The following JAKMIP1 variants were observed in gnomAD, a reference collection of about 807,000 sequenced individuals.
The protein encoded by JAKMIP1 is janus kinase and microtubule interacting protein 1.
Under a neutral mutation model 113.0 loss-of-function variants are expected in JAKMIP1, and 33 were observed. That is an observed-to-expected ratio of 0.29 (90% CI 0.22 to 0.39). The LOEUF is 0.39. JAKMIP1 is among the 10% of genes least tolerant of loss of function. The pLI is 1.00. For synonymous variants in JAKMIP1, 480 were observed against 459.9 expected (o/e 1.04, Z -0.56); for missense variants, 813 against 1,080.5 (o/e 0.75, Z 3.47).
In JAKMIP1 at chr4:6,192,811, A is replaced by T. The variant is rs1045864614; in HGVS notation, c.-148+7442T>A. 6.6e-6 allele frequency among the ~76,000 whole-genome samples: 1 copy of T among 152,180 alleles called. No homozygotes were observed. The highest frequency in any genetic ancestry group is 1.5e-5 in the Non-Finnish European group (1 of 68,036). On this transcript the variant is annotated intron_variant, in intron 1 of 20. Coordinates refer to ENST00000409021, the MANE Select transcript of JAKMIP1 (RefSeq NM_001099433.2). The surrounding 1 kb of genome is among the most constrained non-coding windows in gnomAD (Gnocchi z 5.0). Reference sequence around the variant, plus strand: ...GATGATTCTCAAAAGCAAACAGGGTACTGATGGGAACCAGGGGCACAGCCG... The same window carrying T: ...GATGATTCTCAAAAGCAAACAGGGTTCTGATGGGAACCAGGGGCACAGCCG...
chr4:6,184,278 C>T lies in JAKMIP1; in HGVS notation c.-148+15975G>A, dbSNP rs1369090812. ...CCAGGTGCCCAGCACATAGCAGACA[C>T]TCCACAAATGCCCTAGGGAAGGAAG... On this transcript the variant is annotated intron_variant, in intron 1 of 20. Transcript: ENST00000409021. This position sits in a 1 kb window ranked among gnomAD's most constrained non-coding sequence, Gnocchi z 4.5. Among the ~76,000 whole-genome samples the T allele has an allele frequency of 5.9e-5, 9 of 152,218 alleles. No individual in the cohort carries two copies. The highest frequency in any genetic ancestry group is 1.3e-4 in the Non-Finnish European group (9 of 68,048).
intron 19 of JAKMIP1, among the ~76,000 whole-genome samples, chr4:6,032,697 CA>C (rs1712892545): frequency 6.7e-6 from 1 of 150,268 alleles, no homozygotes; most frequent in Non-Finnish European, 1.5e-5. Context: ...CAAAACAAAA[CA>C]AAGCAAAACA....
intron 3 of JAKMIP1, among the ~76,000 whole-genome samples, chr4:6,091,649 G>T (rs1301019233): frequency 6.6e-6 from 1 of 152,146 alleles, no homozygotes; most frequent in Non-Finnish European, 1.5e-5. Flanking sequence ...TGTGATGACA[G>T]CTCCCCTGAA....
Position 6,044,677 on chromosome 4 carries a change from G to A in JAKMIP1, c.2029-2450C>T, listed in dbSNP as rs1396691421. On this transcript the variant is annotated intron_variant, in intron 16 of 20. Transcript: ENST00000409021. The surrounding 1 kb of genome is among the most constrained non-coding windows in gnomAD (Gnocchi z 4.4). ...GGATGATTACAACATGCTGCTCTCA[G>A]AACGGTTTCTGCAGAACACAGTGTT... is the stretch of plus-strand genomic sequence containing the variant. Among the ~76,000 whole-genome samples, 4 of 152,234 alleles carry A rather than the reference G, an allele frequency of 2.6e-5. No homozygotes were observed. The highest frequency in any genetic ancestry group is 9.6e-5 in the African/African-American group (4 of 41,452).
In JAKMIP1 at chr4:6,199,033, T is replaced by C. The variant is rs1728151194; in HGVS notation, c.-148+1220A>G. On this transcript the variant is annotated intron_variant, in intron 1 of 20. Coordinates refer to ENST00000409021, the MANE Select transcript of JAKMIP1 (RefSeq NM_001099433.2). The surrounding 1 kb of genome is among the most constrained non-coding windows in gnomAD (Gnocchi z 5.6). ...AGGCCATCAGATGGTAACAGCATCC[T>C]GGGACAGCGCCACGTTCCAGGAAAG... Among the ~76,000 whole-genome samples the C allele has an allele frequency of 6.6e-6, 1 of 152,244 alleles. No individual in the cohort carries two copies. Among genetic ancestry groups the C allele is most frequent in the Admixed American group, 6.5e-5 (1 of 15,288 alleles).
At position 6,080,228 on chromosome 4, in the gene JAKMIP1, C is replaced by T. The variant is rs772818630; in HGVS notation, c.1186G>A (p.Glu396Lys). ...LSLTRDEQEI[E>K]FLRLQVLEQQ... ...TCCAGCACCTGCAGCCTCAGGAACT[C>T]GATCTCCTGCTCATCCCTCGTCAGG... The change falls in exon 7 of 21, where the codon GAG (glutamate) becomes AAG (lysine). Residue 396 changes from glutamate (E) to lysine (K), a missense_variant. By Grantham distance (56) the Glu-to-Lys change is moderately conservative. This residue lies in a region of JAKMIP1 where 540 missense variants were observed against 653.9 expected (regional missense o/e 0.83). Transcript: ENST00000409021. This position sits in a 1 kb window ranked among gnomAD's most constrained non-coding sequence, Gnocchi z 6.0. 1.2e-5 allele frequency: 20 copies of T among 1,614,002 alleles called. No homozygotes were observed. Among genetic ancestry groups the T allele is most frequent in the Non-Finnish European group, 3.4e-6 (4 of 1,180,020 alleles).
rs896137807 is a variant in JAKMIP1 at position 6,199,792 on chromosome 4, G to T, written c.-148+461C>A. ...TTGCCACCTGGGCGGAGATCTGGGG[G>T]ACTGTGACCTACCCTGCGGAAGACA... On this transcript the variant is annotated intron_variant, in intron 1 of 20. Transcript: ENST00000409021. The surrounding 1 kb of genome is among the most constrained non-coding windows in gnomAD (Gnocchi z 5.6). Among the ~76,000 whole-genome samples, 6 of 151,416 alleles carry T rather than the reference G, an allele frequency of 4.0e-5. No homozygotes were observed. Among genetic ancestry groups the T allele is most frequent in the African/African-American group, 1.2e-4 (5 of 41,264 alleles).
intron 4 of JAKMIP1, among the ~76,000 whole-genome samples, chr4:6,085,215 C>G (rs1002676678): frequency 6.6e-6 from 1 of 152,116 alleles, no homozygotes; most frequent in African/African-American, 2.4e-5. Flanking sequence ...GCCCCTCCCA[C>G]CCCGTATCTC....
chr4:6,037,621 T>G (rs1261568499), intron 18 of JAKMIP1, among the ~76,000 whole-genome samples: 205 of 83,372 alleles, frequency 2.5e-3, no homozygotes, highest in African/African-American at 4.5e-3. Flanking sequence ...CTAACCGGTA[T>G]CCCTCCATCA....
chr4:6,098,357 CAGG>C (rs1336374607), intron 3 of JAKMIP1, among the ~76,000 whole-genome samples: 1 of 151,932 alleles, frequency 6.6e-6, no homozygotes, highest in Non-Finnish European at 1.5e-5. Context: ...TGCTTGAATC[CAGG>C]AGGTGGAGGT....
rs1259497884 is a variant in JAKMIP1 at position 6,036,092 on chromosome 4, C to G, written c.2191G>C (p.Glu731Gln). 2 of 1,552,420 alleles carry G rather than the reference C, an allele frequency of 1.3e-6. No homozygotes were observed. The highest frequency in any genetic ancestry group is 1.7e-6 in the Non-Finnish European group (2 of 1,146,712). ...TGCAGCGCTGTGTACAGTGTGGCCT[C>G]CAGGTCTTGGATTTTCTGAGGACCC... The part of the protein sequence containing the change: ...DQAYLKIQDL[E>Q]ATLYTALQQE... The change falls in exon 19 of 21, where the codon GAG (glutamate) becomes CAG (glutamine). Residue 731 changes from glutamate to glutamine, a missense_variant. By Grantham distance (29) the Glu-to-Gln change is conservative (BLOSUM62 2). Around this residue, in one of 2 missense-constraint regions of JAKMIP1, gnomAD observed 273 missense variants for 426.6 expected, o/e 0.64. Coordinates refer to ENST00000409021, the MANE Select transcript of JAKMIP1 (RefSeq NM_001099433.2).
At chr4:6,169,171 T>C (rs554580157) in intron 1 of JAKMIP1, among the ~76,000 whole-genome samples, 3 of 152,344 alleles carry the variant, frequency 2.0e-5, no homozygotes, top group African/African-American at 7.2e-5. Flanking sequence ...AAAATGTTCA[T>C]GTATTGGGTT....
intron 9 of JAKMIP1, among the ~76,000 whole-genome samples, chr4:6,062,733 T>C (rs1717482793): frequency 1.3e-5 from 2 of 152,210 alleles, no homozygotes; most frequent in Non-Finnish European, 2.9e-5. Context: ...ACTTGAGTTA[T>C]GTGGGAGCAG....
At chr4:6,078,099 A>C (rs57921654) in intron 8 of JAKMIP1, among the ~76,000 whole-genome samples, 73,016 of 151,944 alleles carry the variant, frequency 0.48, 19,396 homozygotes, top group Non-Finnish European at 0.61. Context: ...ACTTGTGTTC[A>C]ATAAAAAGGA....
At chr4:6,152,133 G>A (rs1208808840) in intron 1 of JAKMIP1, among the ~76,000 whole-genome samples, 1 of 151,914 alleles carries the variant, frequency 6.6e-6, no homozygotes, top group Non-Finnish European at 1.5e-5. Flanking sequence ...GAGAGGGAGG[G>A]TGGGAAAAGA....
At chr4:6,036,183 T>G in intron 18 of JAKMIP1, 76 bp from the exon 19 acceptor site, 1 of 1,197,718 alleles carries the variant, frequency 8.3e-7, no homozygotes, top group Non-Finnish European at 1.2e-6. Context: ...CTGCTGCCAG[T>G]GGAGGCAGAG....
intron 3 of JAKMIP1, among the ~76,000 whole-genome samples, chr4:6,098,151 T>A (rs1175670150): frequency 1.3e-5 from 2 of 152,144 alleles, no homozygotes; most frequent in Non-Finnish European, 1.5e-5. Flanking sequence ...ACATTCCTCG[T>A]CGCGTGCGGT....
In JAKMIP1 at chr4:6,138,300, T is replaced by C. The variant is rs1719560818; in HGVS notation, c.-147-25303A>G. Among the ~76,000 whole-genome samples, 1 of 152,116 alleles carries C rather than the reference T, an allele frequency of 6.6e-6. No homozygotes were observed. The highest frequency in any genetic ancestry group is 2.4e-5 in the African/African-American group (1 of 41,410). ...TCTCACTCTGTCACCCAGGCTGGAG[T>C]GCAGTGGTGCAATATTGGCTCACTG... On this transcript the variant is annotated intron_variant, in intron 1 of 20. Coordinates refer to ENST00000409021, the MANE Select transcript of JAKMIP1 (RefSeq NM_001099433.2). The surrounding 1 kb of genome is among the most constrained non-coding windows in gnomAD (Gnocchi z 6.0).
chr4:6,066,519 T>A (rs569906049), intron 8 of JAKMIP1, among the ~76,000 whole-genome samples: 1 of 152,084 alleles, frequency 6.6e-6, no homozygotes, highest in African/African-American at 2.4e-5. Flanking sequence ...CTGCGTCCTT[T>A]ATGGCATTGT....
Sources: gnomAD v4.1 joint callset for allele counts (sites outside exome capture counted in the v4.1 genomes callset) on GRCh38, gnomAD v4.1.1 for gene constraint, gnomAD v4.1.1 regional missense constraint, Gnocchi (gnomAD v3.1) non-coding constraint, MANE v1.5 for transcripts, NCBI Gene and HGNC (gene_info 2026-07-23, HGNC 2026-07-21) for gene names.